KSR2: variants seen among roughly 807,000 people sequenced by gnomAD.
The protein encoded by KSR2 is kinase suppressor of ras 2.
KSR2 carries 25 observed loss-of-function variants against 107.8 expected under a neutral mutation model. The observed-to-expected ratio is 0.23, with a 90% CI of 0.17 to 0.32. KSR2 has a LOEUF of 0.32. Ranked by LOEUF, KSR2 falls within the 10% of genes least tolerant of loss-of-function variation. The probability of loss-of-function intolerance (pLI) is 1.00; values close to 1 mark genes in which losing one functional copy is unlikely to be tolerated. For missense variants in KSR2, 887 were observed against 1,268.9 expected (o/e 0.70, Z 4.57); for synonymous variants, 480 against 507.0 (o/e 0.95, Z 0.71).
chr12:117,479,917 A>C (rs1872050560), intron 16 of KSR2, among the ~76,000 whole-genome samples: 2 of 152,300 alleles, frequency 1.3e-5, no homozygotes, highest in African/African-American at 4.8e-5. Flanking sequence ...GGGCACATTA[A>C]TTTGTACTTC....
intron 14 of KSR2, among the ~76,000 whole-genome samples, chr12:117,523,218 T>C (rs1000614827): frequency 6.6e-6 from 1 of 152,226 alleles, no homozygotes; most frequent in African/African-American, 2.4e-5. Flanking sequence ...AAGAAGGTTT[T>C]GTCTCACAAG....
intron 3 of KSR2, among the ~76,000 whole-genome samples, chr12:117,797,694 C>T (rs1281967733): frequency 6.6e-6 from 1 of 150,450 alleles, no homozygotes; most frequent in African/African-American, 2.4e-5. Flanking sequence ...GTTACCCAGG[C>T]TAGAGTGCAG....
At chr12:117,570,878 T>C (rs1314091931) in intron 7 of KSR2, among the ~76,000 whole-genome samples, 1 of 152,194 alleles carries the variant, frequency 6.6e-6, no homozygotes, top group Non-Finnish European at 1.5e-5. Context: ...CTTGCTGTTG[T>C]TTCACTGTCA....
At chr12:117,770,457 G>C (rs532371731) in intron 3 of KSR2, among the ~76,000 whole-genome samples, 8 of 152,078 alleles carry the variant, frequency 5.3e-5, no homozygotes, top group Non-Finnish European at 1.2e-4. Flanking sequence ...CCCGATTTCA[G>C]ACTTTCAAGC....
At chr12:117,855,867 G>A (rs762804075) in intron 2 of KSR2, among the ~76,000 whole-genome samples, 4 of 152,130 alleles carry the variant, frequency 2.6e-5, no homozygotes, top group East Asian at 1.9e-4. Flanking sequence ...CCTGTCTGGC[G>A]TCAACACTGT....
intron 1 of KSR2, among the ~76,000 whole-genome samples, chr12:117,956,587 A>T (rs1006941575): frequency 3.3e-5 from 5 of 152,012 alleles, no homozygotes; most frequent in Non-Finnish European, 7.4e-5. Flanking sequence ...TAAAAAACAG[A>T]AAATAGAAAT....
chr12:117,587,834 G>A (rs1305637388), intron 5 of KSR2, among the ~76,000 whole-genome samples: 3 of 152,182 alleles, frequency 2.0e-5, no homozygotes, highest in Non-Finnish European at 2.9e-5. Flanking sequence ...GCAGCAGGAC[G>A]CTGTGCTGGG....
intron 1 of KSR2, among the ~76,000 whole-genome samples, chr12:117,914,440 A>G (rs1244549420): frequency 1.3e-5 from 2 of 152,016 alleles, no homozygotes; most frequent in South Asian, 2.1e-4. Flanking sequence ...AAAAAAAAAA[A>G]AAAGCCAAAC....
intron 1 of KSR2, among the ~76,000 whole-genome samples, chr12:117,964,893 G>T (rs1896747020): frequency 6.6e-6 from 1 of 152,246 alleles, no homozygotes. Flanking sequence ...CTGACTATGT[G>T]CCATGGCTGC....
At chr12:117,713,375 CAT>C (rs1472648314) in intron 4 of KSR2, among the ~76,000 whole-genome samples, 1 of 151,792 alleles carries the variant, frequency 6.6e-6, no homozygotes, top group Admixed American at 6.6e-5. Context: ...GATAGATAGA[CAT>C]AGAGATGTCT....
intron 5 of KSR2, among the ~76,000 whole-genome samples, chr12:117,629,372 A>G (rs1882701240): frequency 1.3e-5 from 2 of 152,246 alleles, no homozygotes; most frequent in African/African-American, 4.8e-5. Context: ...GAATATACTT[A>G]AAACTGCTTA....
chr12:117,924,520 T>C (rs181968577), intron 1 of KSR2, among the ~76,000 whole-genome samples: 43 of 133,988 alleles, frequency 3.2e-4, no homozygotes, highest in African/African-American at 1.0e-3. Flanking sequence ...TGCAGTGAGC[T>C]GAGATCGTGT....
intron 1 of KSR2, among the ~76,000 whole-genome samples, chr12:117,872,668 T>G (rs1180216068): frequency 6.6e-6 from 1 of 152,180 alleles, no homozygotes; most frequent in East Asian, 1.9e-4. Flanking sequence ...AGGACTCTAA[T>G]GGTTCCAAGA....
intron 14 of KSR2, among the ~76,000 whole-genome samples, chr12:117,516,890 G>A (rs1007223014): frequency 2.0e-5 from 3 of 152,176 alleles, no homozygotes; most frequent in African/African-American, 7.2e-5. Flanking sequence ...AAATCCCACT[G>A]TTTTCCTCCT....
At chr12:117,675,334 T>C (rs895238706) in intron 4 of KSR2, among the ~76,000 whole-genome samples, 2 of 152,202 alleles carry the variant, frequency 1.3e-5, no homozygotes, top group African/African-American at 4.8e-5. Flanking sequence ...TGACATCTTC[T>C]ATTTGTGGGG....
intron 7 of KSR2, among the ~76,000 whole-genome samples, chr12:117,562,201 GCTTTTAAAGTGATGAGAA>G: frequency 6.7e-6 from 1 of 149,886 alleles, no homozygotes; most frequent in East Asian, 2.0e-4. Flanking sequence ...GGTCAATGAG[GCTTTTAAAGTGATGAGAA>G]CTTTTAAAGT....
intron 3 of KSR2, among the ~76,000 whole-genome samples, chr12:117,783,447 C>T: frequency 6.6e-6 from 1 of 152,184 alleles, no homozygotes; most frequent in East Asian, 1.9e-4. Flanking sequence ...GGGATAGTGT[C>T]ACCCACCTCA....
At position 117,893,746 on chromosome 12, in the gene KSR2, TAAA is replaced by T. The variant is rs1383461826; in HGVS notation, c.181-33318_181-33316del. On this transcript the variant is annotated intron_variant, in intron 1 of 19. Transcript: ENST00000339824. ...CTTTTCACAATATCTGGGAGAGAGGTAAAATCAAGGCCAAGAATACGGTAAGGA... is the reference window on the plus strand; with the variant it reads ...CTTTTCACAATATCTGGGAGAGAGGTATCAAGGCCAAGAATACGGTAAGGA... Among the ~76,000 whole-genome samples, 3 of 152,056 alleles carry T rather than the reference TAAA, an allele frequency of 2.0e-5. No individual in the cohort carries two copies. The East Asian group carries it at 5.8e-4, about 29-fold the overall frequency.
At chr12:117,755,067 C>T (rs965240836) in intron 4 of KSR2, among the ~76,000 whole-genome samples, 3 of 152,152 alleles carry the variant, frequency 2.0e-5, no homozygotes, top group Non-Finnish European at 4.4e-5. Context: ...ATAACTGGAA[C>T]CAGAATGCAC....
Sources: gnomAD v4.1 joint callset for allele counts (sites outside exome capture counted in the v4.1 genomes callset) on GRCh38, gnomAD v4.1.1 for gene constraint, MANE v1.5 for transcripts, NCBI Gene and HGNC (gene_info 2026-07-23, HGNC 2026-07-21) for gene names.